Variants in UNC5C observed in about 807,000 individuals in gnomAD.
The protein encoded by UNC5C is netrin receptor UNC5C.
UNC5C carries 47 observed loss-of-function variants against 99.8 expected under a neutral mutation model. That is an observed-to-expected ratio of 0.47 (90% CI 0.37 to 0.60). The LOEUF (loss-of-function observed/expected upper bound fraction) is 0.60, where lower values mean the gene tolerates loss of function less well. Among genes scored for constraint, UNC5C ranks in the 20% least tolerant of loss-of-function variants. The probability of loss-of-function intolerance (pLI) is 0.00; values close to 1 mark genes in which losing one functional copy is unlikely to be tolerated. For synonymous variants in UNC5C, 487 were observed against 452.2 expected (o/e 1.08, Z -0.98); for missense variants, 1,062 against 1,165.9 (o/e 0.91, Z 1.30).
chr4:95,529,307 T>C (rs1339796269), intron 1 of UNC5C, among the ~76,000 whole-genome samples: 4 of 148,110 alleles, frequency 2.7e-5, no homozygotes, highest in African/African-American at 9.8e-5. Flanking sequence ...TATATATTTA[T>C]ATGTATATAT....
chr4:95,242,351 C>T, intron 7 of UNC5C, 78 bp downstream of exon 7: 1 of 1,554,250 alleles, frequency 6.4e-7, no homozygotes, highest in African/African-American at 1.4e-5. Flanking sequence ...TTCTTTATTT[C>T]TAATGTTTCC....
At chr4:95,532,054 C>A (rs1392100091) in intron 1 of UNC5C, among the ~76,000 whole-genome samples, 1 of 152,186 alleles carries the variant, frequency 6.6e-6, no homozygotes, top group African/African-American at 2.4e-5. Context: ...TTGACCAAAT[C>A]AAAATTGACC....
At chr4:95,537,842 T>C (rs1437500304) in intron 1 of UNC5C, among the ~76,000 whole-genome samples, 1 of 152,106 alleles carries the variant, frequency 6.6e-6, no homozygotes, top group Non-Finnish European at 1.5e-5. Flanking sequence ...CACATAACAG[T>C]GTTTGGGGTG....
At chr4:95,513,994 A>T (rs766713972) in intron 1 of UNC5C, among the ~76,000 whole-genome samples, 3 of 152,224 alleles carry the variant, frequency 2.0e-5, no homozygotes, top group Non-Finnish European at 4.4e-5. Context: ...TGATCTGGGC[A>T]GATGGTATAC....
chr4:95,471,367 A>G (rs933136304), intron 1 of UNC5C, among the ~76,000 whole-genome samples: 2 of 152,144 alleles, frequency 1.3e-5, no homozygotes, highest in African/African-American at 4.8e-5. Context: ...TAGAAAGATG[A>G]CACCACTCAA....
chr4:95,484,135 C>T (rs940577632), intron 1 of UNC5C, among the ~76,000 whole-genome samples: 1 of 151,676 alleles, frequency 6.6e-6, no homozygotes, highest in African/African-American at 2.4e-5. Flanking sequence ...TGAGGAAGGG[C>T]TTCTCTATTA....
intron 1 of UNC5C, among the ~76,000 whole-genome samples, chr4:95,471,842 A>T (rs1425621805): frequency 2.0e-5 from 3 of 151,698 alleles, no homozygotes; most frequent in African/African-American, 4.8e-5. Context: ...TTTTTTTTTA[A>T]GTCTGATTTC....
intron 1 of UNC5C, among the ~76,000 whole-genome samples, chr4:95,362,396 G>T (rs1353349860): frequency 6.6e-6 from 1 of 152,052 alleles, no homozygotes; most frequent in Non-Finnish European, 1.5e-5. Flanking sequence ...TTAGTATGAC[G>T]CTGTTCATGG....
intron 1 of UNC5C, among the ~76,000 whole-genome samples, chr4:95,399,841 G>T (rs1341510029): frequency 6.6e-6 from 1 of 152,052 alleles, no homozygotes; most frequent in Non-Finnish European, 1.5e-5. Flanking sequence ...GTACTTATTA[G>T]AAACTAATTA....
At chr4:95,278,439 C>T (rs1740938956) in intron 3 of UNC5C, 77 bp from the exon 4 acceptor site, 1 of 1,197,966 alleles carries the variant, frequency 8.3e-7, no homozygotes, top group Non-Finnish European at 1.2e-6. Context: ...AAAAAATTTT[C>T]TGGCTTAGTA....
At chr4:95,319,941 A>G (rs1579321609) in intron 2 of UNC5C, among the ~76,000 whole-genome samples, 1 of 152,140 alleles carries the variant, frequency 6.6e-6, no homozygotes, top group African/African-American at 2.4e-5. Context: ...ATAATTACCA[A>G]CCAGTTTACT....
chr4:95,511,832 A>G (rs1461710908), intron 1 of UNC5C, among the ~76,000 whole-genome samples: 1 of 152,172 alleles, frequency 6.6e-6, no homozygotes, highest in Non-Finnish European at 1.5e-5. Context: ...TGTACCAATT[A>G]CTGTGGAAAT....
intron 4 of UNC5C, among the ~76,000 whole-genome samples, chr4:95,257,941 A>G (rs1372281368): frequency 3.3e-5 from 5 of 152,230 alleles, no homozygotes; most frequent in Admixed American, 3.3e-4. Context: ...AGATGAATGG[A>G]AAGGAAAACA....
At chr4:95,298,920 G>T (rs928176740) in intron 3 of UNC5C, among the ~76,000 whole-genome samples, 1 of 152,110 alleles carries the variant, frequency 6.6e-6, no homozygotes, top group Non-Finnish European at 1.5e-5. Context: ...ATGAAGAATA[G>T]CTGAAAGGCA....
rs187255946 is a variant in UNC5C at position 95,305,360 on chromosome 4, C to T, written c.347-3611G>A. On this transcript the variant is annotated intron_variant, in intron 2 of 15. Transcript: ENST00000453304. ...ACCTATGAGAGTTTGTTCATCAGAC[C>T]AGAGCCTAGTGGTTTGGGTAAAAGT... Among the ~76,000 whole-genome samples the T allele has an allele frequency of 6.1e-3, 934 of 152,252 alleles. 5 individuals carry two copies. The highest frequency in any genetic ancestry group is 0.021 in the African/African-American group (875 of 41,522).
chr4:95,352,604 C>T (rs1036979692), intron 1 of UNC5C, among the ~76,000 whole-genome samples: 2 of 152,236 alleles, frequency 1.3e-5, no homozygotes, highest in East Asian at 1.9e-4. Flanking sequence ...ATCAGATGAA[C>T]TTATCTTCCT....
intron 2 of UNC5C, 66 bp downstream of exon 2, chr4:95,335,344 G>A (rs1743290842): frequency 7.2e-7 from 1 of 1,381,784 alleles, no homozygotes; most frequent in Non-Finnish European, 1.0e-6. Flanking sequence ...ATAACAGTAT[G>A]TCCACATGCT....
intron 1 of UNC5C, among the ~76,000 whole-genome samples, chr4:95,369,303 C>A (rs1744675276): frequency 6.6e-6 from 1 of 152,006 alleles, no homozygotes; most frequent in Non-Finnish European, 1.5e-5. Flanking sequence ...GTAATGCCAG[C>A]CCTTTGGGAG....
intron 1 of UNC5C, among the ~76,000 whole-genome samples, chr4:95,342,325 C>T (rs1272760485): frequency 6.6e-6 from 1 of 152,028 alleles, no homozygotes; most frequent in African/African-American, 2.4e-5. Context: ...ACCAGCTCAG[C>T]CACGGTAGGA....
Sources: gnomAD v4.1 joint callset for allele counts (sites outside exome capture counted in the v4.1 genomes callset) on GRCh38, gnomAD v4.1.1 for gene constraint, MANE v1.5 for transcripts, NCBI Gene and HGNC (gene_info 2026-07-23, HGNC 2026-07-21) for gene names.